MYO1D: variants seen among roughly 807,000 people sequenced by gnomAD.
MYO1D encodes myosin ID, also known as unconventional myosin-Id.
Under a neutral mutation model 122.0 loss-of-function variants are expected in MYO1D, and 83 were observed. The ratio of observed to expected loss-of-function variants is 0.68; its 90% CI spans 0.57 to 0.82. The LOEUF (loss-of-function observed/expected upper bound fraction) is 0.82. Ranked by LOEUF, MYO1D falls within the 40% of genes least tolerant of loss-of-function variation. The pLI, the probability that MYO1D is intolerant of heterozygous loss-of-function variation, is 0.00. For synonymous variants in MYO1D, 464 were observed against 446.9 expected (o/e 1.04, Z -0.48); for missense variants, 1,157 against 1,269.5 (o/e 0.91, Z 1.35).
chr17:32,844,350 T>TATA (rs1598149426), intron 1 of MYO1D, among the ~76,000 whole-genome samples: 1 of 147,028 alleles, frequency 6.8e-6, no homozygotes, highest in Non-Finnish European at 1.5e-5. Context: ...ATATATTATA[T>TATA]GTGTATATAT....
At chr17:32,545,095 G>A (rs1488188870) in intron 21 of MYO1D, among the ~76,000 whole-genome samples, 1 of 152,082 alleles carries the variant, frequency 6.6e-6, no homozygotes, top group African/African-American at 2.4e-5. Flanking sequence ...GTTCCATCTT[G>A]CCCCTCTCTG....
intron 1 of MYO1D, among the ~76,000 whole-genome samples, chr17:32,874,372 G>A (rs548418841): frequency 1.6e-5 from 2 of 123,812 alleles, no homozygotes; most frequent in African/African-American, 3.4e-5. Context: ...AGACAGGGTC[G>A]TGCTCTATTA....
chr17:32,554,998 TA>T (rs2087055764), intron 21 of MYO1D, among the ~76,000 whole-genome samples: 1 of 152,114 alleles, frequency 6.6e-6, no homozygotes, highest in Non-Finnish European at 1.5e-5. Flanking sequence ...CGAAAAGCCT[TA>T]AAAAATATAC....
chr17:32,553,695 T>C (rs1242242766), intron 21 of MYO1D, among the ~76,000 whole-genome samples: 3 of 152,186 alleles, frequency 2.0e-5, no homozygotes, highest in African/African-American at 7.2e-5. Context: ...TGTTTACTTA[T>C]TTCTCCTCCT....
chr17:32,657,054 A>G (rs1407496045), intron 17 of MYO1D, among the ~76,000 whole-genome samples: 2 of 152,224 alleles, frequency 1.3e-5, no homozygotes, highest in Non-Finnish European at 2.9e-5. Flanking sequence ...CTAATCAAGC[A>G]AACTGCTGTC....
chr17:32,569,600 C>G (rs1406340104), intron 21 of MYO1D, among the ~76,000 whole-genome samples: 1 of 152,158 alleles, frequency 6.6e-6, no homozygotes, highest in Non-Finnish European at 1.5e-5. Context: ...TGGGAGACGC[C>G]CAGGAGTGTG....
intron 16 of MYO1D, among the ~76,000 whole-genome samples, chr17:32,666,906 AT>A (rs2088644254): frequency 1.3e-5 from 2 of 152,248 alleles, no homozygotes; most frequent in Admixed American, 1.3e-4. Flanking sequence ...TTTTAGAAGC[AT>A]CTTTCTTCCA....
rs748529503 is a variant in MYO1D at position 32,745,335 on chromosome 17, C to T, written c.1539-50G>A. 21 of 1,242,652 alleles carry T rather than the reference C, an allele frequency of 1.7e-5. No individual in the cohort carries two copies. The South Asian group carries it at 2.8e-4, about 16-fold the overall frequency. 77.0% of individuals were successfully genotyped at this position (1,242,652 alleles called of 1,614,324 possible). On this transcript the variant is annotated intron_variant, in intron 12 of 21. Transcript: ENST00000318217. Reference sequence around the variant, plus strand: ...CATGTATCATTTACCAAGCAAGAGCCACATTTAAGTTTTTCCAGGAGGCAA... The same window carrying T: ...CATGTATCATTTACCAAGCAAGAGCTACATTTAAGTTTTTCCAGGAGGCAA...
chr17:32,504,749 C>G (rs1270561850), intron 21 of MYO1D: 1 of 152,290 alleles, frequency 6.6e-6, no homozygotes. Flanking sequence ...TTTTCAGCCA[C>G]TTCCTAGACA....
At chr17:32,671,870 A>G (rs2088726443) in intron 16 of MYO1D, among the ~76,000 whole-genome samples, 1 of 152,214 alleles carries the variant, frequency 6.6e-6, no homozygotes, top group South Asian at 2.1e-4. Flanking sequence ...AATAATATGG[A>G]TCCCGTCTTT....
At chr17:32,611,328 G>C (rs1293931101) in intron 20 of MYO1D, among the ~76,000 whole-genome samples, 1 of 152,176 alleles carries the variant, frequency 6.6e-6, no homozygotes, top group Non-Finnish European at 1.5e-5. Flanking sequence ...TAACTGAATA[G>C]ATACTTTAGA....
intron 21 of MYO1D, among the ~76,000 whole-genome samples, chr17:32,582,508 T>C (rs2087351648): frequency 6.6e-6 from 1 of 152,226 alleles, no homozygotes; most frequent in South Asian, 2.1e-4. Flanking sequence ...TTATGTTTCA[T>C]TATGGCAGAG....
At chr17:32,737,147 A>G (rs1373396857) in intron 14 of MYO1D, among the ~76,000 whole-genome samples, 1 of 152,200 alleles carries the variant, frequency 6.6e-6, no homozygotes, top group Non-Finnish European at 1.5e-5. Flanking sequence ...GATAACGAAG[A>G]AGAAACTACA....
intron 21 of MYO1D, among the ~76,000 whole-genome samples, chr17:32,527,329 A>C (rs566247860): frequency 6.6e-6 from 1 of 152,310 alleles, no homozygotes; most frequent in East Asian, 1.9e-4. Context: ...GCAGCTAACC[A>C]CAGTAAGGAG....
chr17:32,681,224 C>T (rs1251854719), intron 16 of MYO1D, among the ~76,000 whole-genome samples: 20 of 151,858 alleles, frequency 1.3e-4, no homozygotes, highest in South Asian at 2.1e-4. Flanking sequence ...ATTGATTTTT[C>T]GAAGGGTTTT....
chr17:32,774,634 G>A (rs2090155890), intron 4 of MYO1D, among the ~76,000 whole-genome samples: 1 of 152,166 alleles, frequency 6.6e-6, no homozygotes, highest in African/African-American at 2.4e-5. Flanking sequence ...TTCAAAATAT[G>A]AGTTCATTCA....
intron 20 of MYO1D, among the ~76,000 whole-genome samples, chr17:32,613,688 C>T (rs1051442248): frequency 1.4e-5 from 2 of 145,148 alleles, no homozygotes; most frequent in East Asian, 2.1e-4. Flanking sequence ...GCAGGAGAAT[C>T]GCATGAACCA....
intron 16 of MYO1D, among the ~76,000 whole-genome samples, chr17:32,699,071 A>G (rs1171473655): frequency 6.6e-6 from 1 of 152,006 alleles, no homozygotes. Context: ...GGGTTCAAGC[A>G]ATTCTCCTGC....
intron 21 of MYO1D, among the ~76,000 whole-genome samples, chr17:32,586,739 T>C (rs1388171464): frequency 6.6e-6 from 1 of 152,242 alleles, no homozygotes; most frequent in Non-Finnish European, 1.5e-5. Context: ...TTTTTGCATC[T>C]GTGTTCACAT....
Sources: gnomAD v4.1 joint callset for allele counts (sites outside exome capture counted in the v4.1 genomes callset) on GRCh38, gnomAD v4.1.1 for gene constraint, MANE v1.5 for transcripts, NCBI Gene and HGNC (gene_info 2026-07-23, HGNC 2026-07-21) for gene names.